PTPN11: variants seen among roughly 807,000 people sequenced by gnomAD.
PTPN11 encodes tyrosine-protein phosphatase non-receptor type 11.
Under a neutral mutation model 78.8 loss-of-function variants are expected in PTPN11, and 6 were observed. That is an observed-to-expected ratio of 0.08 (90% CI 0.04 to 0.15). The LOEUF is 0.15. Among genes scored for constraint, PTPN11 ranks in the 10% least tolerant of loss-of-function variants. PTPN11 has a pLI of 1.00. For missense variants in PTPN11, 386 were observed against 744.8 expected (o/e 0.52, Z 5.61); for synonymous variants, 221 against 263.5 (o/e 0.84, Z 1.56).
intron 11 of PTPN11, chr12:112,487,036 T>C: frequency 2.0e-6 from 1 of 508,494 alleles, no homozygotes. Context: ...TGAGGATCCC[T>C]TAAGTCATTT....
chr12:112,487,894 ATGTCTCAGCCT>A (rs2038700201), intron 11 of PTPN11, among the ~76,000 whole-genome samples: 1 of 151,812 alleles, frequency 6.6e-6, no homozygotes, highest in Non-Finnish European at 1.5e-5. Context: ...AGCAATTCTC[ATGTCTCAGCCT>A]CCCGAGTAGC....
At chr12:112,424,246 G>A (rs1223866350) in intron 1 of PTPN11, among the ~76,000 whole-genome samples, 2 of 152,182 alleles carry the variant, frequency 1.3e-5, no homozygotes, top group Admixed American at 6.6e-5. Flanking sequence ...AGAAGATCTC[G>A]GAGTGATTGA....
At chr12:112,433,560 T>C (rs2037744738) in intron 1 of PTPN11, among the ~76,000 whole-genome samples, 1 of 152,208 alleles carries the variant, frequency 6.6e-6, no homozygotes, top group Non-Finnish European at 1.5e-5. Context: ...GCATTATTTG[T>C]AATAACAAAA....
chr12:112,505,298 T>C (rs1191728634), intron 15 of PTPN11, among the ~76,000 whole-genome samples: 1 of 152,146 alleles, frequency 6.6e-6, no homozygotes, highest in Non-Finnish European at 1.5e-5. Context: ...GAAATTCATC[T>C]CTCCCATATG....
intron 1 of PTPN11, among the ~76,000 whole-genome samples, chr12:112,445,671 C>T (rs1226587278): frequency 1.3e-4 from 18 of 139,498 alleles, no homozygotes; most frequent in African/African-American, 4.8e-4. Flanking sequence ...GATTGAGTTT[C>T]GCTCTTGTTG....
At chr12:112,450,248 A>G in intron 2 of PTPN11, 70 bp from the exon 3 acceptor site, 2 of 1,387,844 alleles carry the variant, frequency 1.4e-6, no homozygotes, top group Non-Finnish European at 2.0e-6. Context: ...GACGTGGAAG[A>G]TGAGATCTGA....
At position 112,461,433 on chromosome 12, in the gene PTPN11, C is replaced by T. The variant is rs571425448; in HGVS notation, c.756+5370C>T. Among the ~76,000 whole-genome samples the T allele has an allele frequency of 2.9e-3, 435 of 151,620 alleles. 5 individuals carry two copies. The highest frequency in any genetic ancestry group is 9.8e-3 in the African/African-American group (405 of 41,316). ...TGCGAACTCTTGGGCTGAGGTGATC[C>T]TCCTGCCTCAGTTTCCTGTGTAGTT... On this transcript the variant is annotated intron_variant, in intron 6 of 15. Transcript: ENST00000351677.
chr12:112,498,769 C>T (rs1028957437), intron 13 of PTPN11, among the ~76,000 whole-genome samples: 1 of 152,226 alleles, frequency 6.6e-6, no homozygotes, highest in African/African-American at 2.4e-5. Context: ...AAAACAATCC[C>T]TATTCCCTGA....
intron 3 of PTPN11, among the ~76,000 whole-genome samples, chr12:112,451,576 G>T (rs2038079351): frequency 6.6e-6 from 1 of 152,130 alleles, no homozygotes; most frequent in Non-Finnish European, 1.5e-5. Context: ...AGATTCCTGG[G>T]CCTCATTCAG....
In PTPN11 at chr12:112,472,989, G is replaced by T. The variant is rs397507527; in HGVS notation, c.802G>T (p.Gly268Cys). The change falls in exon 7 of 16, where the codon GGT (glycine) becomes TGT (cysteine). Residue 268 changes from glycine to cysteine, a missense_variant. Coordinates refer to ENST00000351677, the MANE Select transcript of PTPN11 (RefSeq NM_002834.5). ...ECKLLYSRKE[G>C]QRQENKNKNR... is the part of the protein sequence containing the mutation. ...CAAACTTCTCTACAGCCGAAAAGAG[G>T]GTCAAAGGCAAGAAAACAAAAACAA... 2 of 1,613,042 alleles carry T rather than the reference G, an allele frequency of 1.2e-6. No homozygotes were observed. The highest frequency in any genetic ancestry group is 8.5e-7 in the Non-Finnish European group (1 of 1,179,356).
chr12:112,478,994 A>G (rs978640599), intron 9 of PTPN11, among the ~76,000 whole-genome samples: 2 of 152,234 alleles, frequency 1.3e-5, no homozygotes, highest in Non-Finnish European at 2.9e-5. Flanking sequence ...TTGACCTCCC[A>G]AAGTGTTGGG....
intron 6 of PTPN11, among the ~76,000 whole-genome samples, chr12:112,465,884 G>T (rs574671199): frequency 6.6e-6 from 1 of 152,216 alleles, no homozygotes; most frequent in Non-Finnish European, 1.5e-5. Context: ...AGTTTTCAGT[G>T]ATGAGGGTTG....
chr12:112,450,677 A>T (rs995709639), intron 3 of PTPN11, among the ~76,000 whole-genome samples, 165 bp downstream of exon 3: 7 of 152,112 alleles, frequency 4.6e-5, no homozygotes, highest in South Asian at 2.1e-4. Flanking sequence ...GCATCAAATT[A>T]TTTTCAGAGT....
chr12:112,485,291 A>G (rs1466007562), intron 10 of PTPN11, among the ~76,000 whole-genome samples: 1 of 152,156 alleles, frequency 6.6e-6, no homozygotes, highest in Non-Finnish European at 1.5e-5. Context: ...GTCTCTACAT[A>G]TATAGGAAGA....
intron 1 of PTPN11, among the ~76,000 whole-genome samples, chr12:112,425,085 C>T (rs1304931485): frequency 6.6e-6 from 1 of 151,486 alleles, no homozygotes; most frequent in South Asian, 2.1e-4. Flanking sequence ...AACTCCTGAG[C>T]TCAGGTGATC....
Position 112,473,120 on chromosome 12 carries a change from C to T in PTPN11, c.853+80C>T, listed in dbSNP as rs113537844. ...GCACCTCTGTACCTTTCCTCAGGGT[C>T]GTGTGCTCTTGTTAGCACATCGGAG... is the stretch of plus-strand genomic sequence containing the variant. On this transcript the variant is annotated intron_variant, in intron 7 of 15. Transcript: ENST00000351677. 1,023 of 1,205,256 alleles carry T rather than the reference C, an allele frequency of 8.5e-4. 4 individuals carry two copies. In the African/African-American group the frequency reaches 0.012, roughly 14 times the overall value. The allele number at this position is 1,205,256 out of a possible 1,614,324, so 74.7% of individuals were successfully genotyped here.
At chr12:112,501,602 A>G (rs1244585222) in intron 13 of PTPN11, among the ~76,000 whole-genome samples, 1 of 152,204 alleles carries the variant, frequency 6.6e-6, no homozygotes, top group African/African-American at 2.4e-5. Context: ...ACTAGCCTGA[A>G]CAACAGAGCA....
At chr12:112,492,522 C>CTT (rs978811421) in intron 13 of PTPN11, among the ~76,000 whole-genome samples, 1 of 144,934 alleles carries the variant, frequency 6.9e-6, no homozygotes, top group African/African-American at 2.5e-5. Context: ...TCTCATAATA[C>CTT]TTTTTTTTTT....
Position 112,504,167 on chromosome 12 carries a change from G to C in PTPN11, c.1713-528G>C, listed in dbSNP as rs1356719888. Reference sequence around the variant, plus strand: ...ACAACCTGCTTTCTGCCAGACCCCAGGGAGCACCAGGACTTGAGGCTTTTA... The same window carrying C: ...ACAACCTGCTTTCTGCCAGACCCCACGGAGCACCAGGACTTGAGGCTTTTA... On this transcript the variant is annotated intron_variant, in intron 14 of 15. Transcript: ENST00000351677. This position sits in a 1 kb window ranked among gnomAD's most constrained non-coding sequence, Gnocchi z 4.7. Among the ~76,000 whole-genome samples the C allele has an allele frequency of 1.3e-5, 2 of 152,112 alleles. No individual in the cohort carries two copies. Among genetic ancestry groups the C allele is most frequent in the African/African-American group, 4.8e-5 (2 of 41,412 alleles).
Sources: allele counts gnomAD v4.1 joint callset (sites outside exome capture counted in the v4.1 genomes callset), GRCh38; gene constraint gnomAD v4.1.1; non-coding constraint Gnocchi (gnomAD v3.1); transcripts MANE v1.5; gene names NCBI Gene and HGNC (gene_info 2026-07-23, HGNC 2026-07-21).